UGT2A2: variants seen among roughly 807,000 people sequenced by gnomAD.
The protein encoded by UGT2A2 is UDP-glucuronosyltransferase 2A2.
Under a neutral mutation model 50.7 loss-of-function variants are expected in UGT2A2, and 60 were observed. The observed-to-expected ratio is 1.18, with a 90% CI of 0.96 to 1.47. The LOEUF (loss-of-function observed/expected upper bound fraction) is 1.47, where lower values mean the gene tolerates loss of function less well. UGT2A2 is among the 40% of genes most tolerant of loss of function. The pLI is 0.00. For synonymous variants in UGT2A2, 242 were observed against 214.6 expected, an observed-to-expected ratio of 1.13 and a Z score of -1.11; for missense variants, 762 against 634.0, an observed-to-expected ratio of 1.20 and a Z score of -2.17.
At chr4:69,627,957 T>C (rs1214902036) in intron 1 of UGT2A2, among the ~76,000 whole-genome samples, 2 of 151,994 alleles carry the variant, frequency 1.3e-5, no homozygotes, top group African/African-American at 4.8e-5. Flanking sequence ...TTCACTTCCA[T>C]TCCACAGATT....
At chr4:69,613,665 T>G (rs1720200062) in intron 1 of UGT2A2, among the ~76,000 whole-genome samples, 2 of 152,132 alleles carry the variant, frequency 1.3e-5, no homozygotes, top group South Asian at 2.1e-4. Flanking sequence ...GCAAAAATTT[T>G]TCAACATATG....
rs1055151153 is a variant in UGT2A2 at position 69,627,942 on chromosome 4, G to A, written c.742+10957C>T. Among the ~76,000 whole-genome samples the A allele has an allele frequency of 5.9e-5, 9 of 151,734 alleles. No individual in the cohort carries two copies. In the East Asian group the frequency reaches 9.7e-4, roughly 16 times the overall value. On this transcript the variant is annotated intron_variant, in intron 1 of 5. Transcript: ENST00000604629. Reference sequence around the variant, plus strand: ...ACCCTTTATCATATATATGTCTTACGAATATTCACTTCCATTCCACAGATT... The same window carrying A: ...ACCCTTTATCATATATATGTCTTACAAATATTCACTTCCATTCCACAGATT...
rs1263652895 is a variant in UGT2A2, at chr4:69,638,790, C to A, written c.742+109G>T. 6 of 1,335,462 alleles carry A rather than the reference C, an allele frequency of 4.5e-6. No individual in the cohort carries two copies. In the East Asian group the frequency reaches 1.5e-4, roughly 34 times the overall value. The allele number at this position is 1,335,462 out of a possible 1,614,324, so 82.7% of individuals were successfully genotyped here. A position where few individuals can be genotyped will look rare whatever the true frequency, so the allele number is the denominator to read the frequency against. ...TTGTTTGTACAGAGATATAAGAAGT[C>A]CATTATCTTCAGCTCAGCATATGCA... is the stretch of plus-strand genomic sequence containing the variant. On this transcript the variant is annotated intron_variant, in intron 1 of 5. Coordinates refer to ENST00000604629, the MANE Select transcript of UGT2A2 (RefSeq NM_001105677.2).
At chr4:69,599,438 T>C (rs773567924) in intron 1 of UGT2A2, 44 bp from the exon 2 acceptor site, 3 of 1,597,924 alleles carry the variant, frequency 1.9e-6, no homozygotes, top group East Asian at 2.2e-5. Flanking sequence ...TTAGCTTATA[T>C]GTTTGCTGAG....
Position 69,602,786 on chromosome 4 carries a change from A to T in UGT2A2, c.743-3392T>A, listed in dbSNP as rs914958216. 2.9e-5 allele frequency among the ~76,000 whole-genome samples: 4 copies of T among 137,616 alleles called. 1 individual carries two copies. Among genetic ancestry groups the T allele is most frequent in the Admixed American group, 2.1e-4 (3 of 13,960 alleles). The allele number at this position is 137,616 out of a possible 152,430, so 90.3% of individuals were successfully genotyped here. On this transcript the variant is annotated intron_variant, in intron 1 of 5. Transcript: ENST00000604629. ...AGCTAACTTGTTCACAGATAAGAAG[A>T]TCAAAATTCATAAAGATGTCCATTC...
At chr4:69,625,556 T>C (rs2109944626) in intron 1 of UGT2A2, among the ~76,000 whole-genome samples, 1 of 151,472 alleles carries the variant, frequency 6.6e-6, no homozygotes, top group South Asian at 2.1e-4. Flanking sequence ...ATCCAATGTA[T>C]TTTTAATTTT....
At chr4:69,621,838 CAT>C (rs1222273279) in intron 1 of UGT2A2, among the ~76,000 whole-genome samples, 1 of 151,856 alleles carries the variant, frequency 6.6e-6, no homozygotes, top group African/African-American at 2.4e-5. Flanking sequence ...GGAAAGAGAA[CAT>C]GTTTTTTGCA....
At chr4:69,591,061 A>T (rs991703219) in intron 5 of UGT2A2, among the ~76,000 whole-genome samples, 3 of 152,148 alleles carry the variant, frequency 2.0e-5, no homozygotes, top group Non-Finnish European at 2.9e-5. Flanking sequence ...AAATTAAATA[A>T]TTTTTAGGCA....
Position 69,633,747 on chromosome 4 carries a change from T to G in UGT2A2, c.742+5152A>C, listed in dbSNP as rs182947386. The stretch of plus-strand genomic sequence containing the variant: ...ATATAACGTTTAAAGTCAAGGAAAA[T>G]TGATCCATGGTTTCAGAAGCCAAGA... On this transcript the variant is annotated intron_variant, in intron 1 of 5. Transcript: ENST00000604629. 9.5e-4 allele frequency among the ~76,000 whole-genome samples: 145 copies of G among 152,112 alleles called. 2 individuals are homozygous for G. In the East Asian group the frequency reaches 0.027, roughly 28 times the overall value.
chr4:69,613,082 G>C (rs1196978570), intron 1 of UGT2A2, among the ~76,000 whole-genome samples: 3 of 151,728 alleles, frequency 2.0e-5, no homozygotes, highest in African/African-American at 7.3e-5. Flanking sequence ...GACATGAATA[G>C]ACACTTCACA....
At chr4:69,618,187 ATGTGTGTG>A (rs72430246) in intron 1 of UGT2A2, among the ~76,000 whole-genome samples, 19 of 144,466 alleles carry the variant, frequency 1.3e-4, no homozygotes, top group East Asian at 4.1e-4. Flanking sequence ...GCCAGTAAGC[ATGTGTGTG>A]TGTGTGTGTG....
rs545862381 is a variant in UGT2A2 at position 69,616,824 on chromosome 4, T to C, written c.743-17430A>G. On this transcript the variant is annotated intron_variant, in intron 1 of 5. Transcript: ENST00000604629. ...TGACACTTTCTAAATTTCTCTGCCATTTTCTTTTCTTTTTTTTTTTTTTTT... is the reference window on the plus strand; with the variant it reads ...TGACACTTTCTAAATTTCTCTGCCACTTTCTTTTCTTTTTTTTTTTTTTTT... 6.9e-3 allele frequency among the ~76,000 whole-genome samples: 733 copies of C among 106,202 alleles called. 7 individuals are homozygous for C. Among genetic ancestry groups the C allele is most frequent in the African/African-American group, 0.025 (712 of 28,966 alleles). The allele number at this position is 106,202 out of a possible 152,430, so 69.7% of individuals were successfully genotyped here.
chr4:69,605,891 A>G lies in UGT2A2; in HGVS notation c.743-6497T>C, dbSNP rs1163534855. Among the ~76,000 whole-genome samples the G allele has an allele frequency of 2.3e-4, 31 of 137,010 alleles. 8 individuals carry two copies. The highest frequency in any genetic ancestry group is 9.1e-4 in the African/African-American group (31 of 33,888). 89.9% of individuals were successfully genotyped at this position (137,010 alleles called of 152,430 possible). A position where few individuals can be genotyped will look rare whatever the true frequency, so the allele number is the denominator to read the frequency against. On this transcript the variant is annotated intron_variant, in intron 1 of 5. Coordinates refer to ENST00000604629, the MANE Select transcript of UGT2A2 (RefSeq NM_001105677.2). ...AAATCAGGAAGACATTGAATCTCTG[A>G]ATAGACCAATAACAGGCTCTGAAAT... is the stretch of plus-strand genomic sequence containing the variant.
At chr4:69,589,686 T>C (rs532842168) in intron 5 of UGT2A2, 35 bp from the exon 6 acceptor site, 3 of 1,564,324 alleles carry the variant, frequency 1.9e-6, no homozygotes, top group East Asian at 4.5e-5. Context: ...AATTAGACAA[T>C]TTTTGTTTTT....
At chr4:69,601,488 C>A (rs1359159836) in intron 1 of UGT2A2, among the ~76,000 whole-genome samples, 1 of 152,152 alleles carries the variant, frequency 6.6e-6, no homozygotes, top group African/African-American at 2.4e-5. Context: ...GGCTAGAGGC[C>A]AACTGACAGT....
intron 1 of UGT2A2, among the ~76,000 whole-genome samples, chr4:69,623,981 CAT>C (rs1720898822): frequency 6.6e-6 from 1 of 151,558 alleles, no homozygotes; most frequent in African/African-American, 2.4e-5. Context: ...GTAACAAAAA[CAT>C]GTAATTTTCA....
chr4:69,609,569 T>C (rs972166056), intron 1 of UGT2A2, among the ~76,000 whole-genome samples: 7 of 152,156 alleles, frequency 4.6e-5, no homozygotes, highest in Non-Finnish European at 8.8e-5. Context: ...GTAAATGAAT[T>C]GAATAGTTTG....
chr4:69,612,592 G>C (rs60513330), intron 1 of UGT2A2, among the ~76,000 whole-genome samples: 1,785 of 151,916 alleles, frequency 0.012, 26 homozygotes, highest in African/African-American at 0.041. Flanking sequence ...AAAACCATTT[G>C]ATTTTTCACA....
At chr4:69,589,687 T>C (rs1718480945) in intron 5 of UGT2A2, 36 bp from the exon 6 acceptor site, 5 of 1,564,408 alleles carry the variant, frequency 3.2e-6, no homozygotes, top group Non-Finnish European at 4.3e-6. Flanking sequence ...ATTAGACAAT[T>C]TTTGTTTTTA....
Sources: allele counts gnomAD v4.1 joint callset (sites outside exome capture counted in the v4.1 genomes callset), GRCh38; gene constraint gnomAD v4.1.1; transcripts MANE v1.5; gene names NCBI Gene and HGNC (gene_info 2026-07-23, HGNC 2026-07-21).